TGM4: variants seen among roughly 807,000 people sequenced by gnomAD.
TGM4 encodes the protein transglutaminase 4, also known as protein-glutamine gamma-glutamyltransferase 4.
In TGM4, 61 loss-of-function variants were observed where a neutral mutation model predicts 76.3. The ratio of observed to expected loss-of-function variants is 0.80; its 90% CI spans 0.65 to 0.99. The LOEUF (loss-of-function observed/expected upper bound fraction) is 0.99, where lower values mean the gene tolerates loss of function less well. Ranked by LOEUF, TGM4 falls within the 50% of genes least tolerant of loss-of-function variation. TGM4 has a pLI of 0.00. For missense variants in TGM4, 794 were observed against 843.2 expected, an observed-to-expected ratio of 0.94 and a Z score of 0.72; for synonymous variants, 337 against 329.8, an observed-to-expected ratio of 1.02 and a Z score of -0.24.
At chr3:44,897,086 C>T (rs189597587) in intron 6 of TGM4, among the ~76,000 whole-genome samples, 1 of 151,310 alleles carries the variant, frequency 6.6e-6, no homozygotes, top group Non-Finnish European at 1.5e-5. Context: ...TCACTGCAAC[C>T]TCCACCCATC....
rs1700041085 is a variant in TGM4 at position 44,913,714 on chromosome 3, A to T, written c.2044A>T (p.Ile682Phe). 4.3e-6 allele frequency: 7 copies of T among 1,613,544 alleles called. No homozygotes were observed. The South Asian group carries it at 6.6e-5, about 15-fold the overall frequency. The change falls in exon 14 of 14, where the codon ATC (isoleucine) becomes TTC (phenylalanine). Residue 682 changes from isoleucine (I) to phenylalanine (F), a missense_variant. By Grantham distance (21) the Ile-to-Phe change is conservative. Transcript: ENST00000296125. ...GATTAATGCTCAGAAGATTGTTCTC[A>T]TCACCAAGTAGCCTTGTCTGATGCT... The part of the protein sequence containing the change: ...KEINAQKIVL[I>F]TK
At chr3:44,906,860 T>C in intron 9 of TGM4, 89 bp from the exon 10 acceptor site, 2 of 1,563,262 alleles carry the variant, frequency 1.3e-6, no homozygotes, top group Non-Finnish European at 1.7e-6. Flanking sequence ...CCAGTCCTGT[T>C]TGAGTTTGGG....
chr3:44,898,932 A>G (rs1014931997), intron 6 of TGM4, among the ~76,000 whole-genome samples: 2 of 151,996 alleles, frequency 1.3e-5, no homozygotes, highest in Non-Finnish European at 2.9e-5. Context: ...AGAACAAGTA[A>G]AGGAGACCAA....
At chr3:44,892,172 C>A (rs111513008) in intron 4 of TGM4, among the ~76,000 whole-genome samples, 1 of 150,882 alleles carries the variant, frequency 6.6e-6, no homozygotes, top group Non-Finnish European at 1.5e-5. Flanking sequence ...GCAGGAGAAT[C>A]GCTTGAACCT....
intron 9 of TGM4, among the ~76,000 whole-genome samples, chr3:44,906,466 AACAGCTTGCATTTGTTTTAGGC>A (rs59578686): frequency 0.56 from 84,767 of 152,038 alleles, 24,474 homozygotes; most frequent in East Asian, 0.89. Flanking sequence ...GATCCATAGC[AACAGCTTGCATTTGTTTTAGGC>A]ACAGGGCTAA....
In TGM4 at chr3:44,893,788, G is replaced by A. The variant is rs577656863; in HGVS notation, c.549+93G>A. On this transcript the variant is annotated intron_variant, in intron 5 of 13. Transcript: ENST00000296125. ...AGTCAGTAAAGGTTCTGGAGAAAGG[G>A]TTGTGAACCTCGGGTCAAACGCCAG... The A allele has an allele frequency of 6.5e-5, 78 of 1,191,454 alleles. 1 individual carries two copies. The African/African-American group carries it at 9.6e-4, about 15-fold the overall frequency. 73.8% of individuals were successfully genotyped at this position (1,191,454 alleles called of 1,614,324 possible).
chr3:44,897,258 AC>A (rs1233377424), intron 6 of TGM4, among the ~76,000 whole-genome samples: 1 of 150,282 alleles, frequency 6.7e-6, no homozygotes, highest in Non-Finnish European at 1.5e-5. Flanking sequence ...CCCGCCTCGG[AC>A]TCCCAAAGTG....
At chr3:44,896,187 C>G (rs968265082) in intron 5 of TGM4, among the ~76,000 whole-genome samples, 2 of 152,192 alleles carry the variant, frequency 1.3e-5, no homozygotes, top group African/African-American at 4.8e-5. Flanking sequence ...TCTTGGCTCA[C>G]TGCAACCTCC....
chr3:44,890,825 T>G, intron 4 of TGM4, 93 bp downstream of exon 4: 1 of 1,488,606 alleles, frequency 6.7e-7, no homozygotes, highest in African/African-American at 1.4e-5. Flanking sequence ...TTGTTTGCTC[T>G]CAAGGTACTT....
chr3:44,912,530 T>C (rs998687184), intron 13 of TGM4, among the ~76,000 whole-genome samples: 8 of 152,250 alleles, frequency 5.3e-5, no homozygotes, highest in African/African-American at 1.4e-4. Context: ...ATGATTATCA[T>C]ATCTACATAT....
At chr3:44,887,826 G>A in intron 3 of TGM4, 31 bp downstream of exon 3, 3 of 1,600,704 alleles carry the variant, frequency 1.9e-6, no homozygotes, top group Non-Finnish European at 2.6e-6. Context: ...CGGGTGGGCT[G>A]GCTGGCTTCT....
chr3:44,903,823 A>G, intron 8 of TGM4, 61 bp from the exon 9 acceptor site: 5 of 1,481,148 alleles, frequency 3.4e-6, no homozygotes, highest in Non-Finnish European at 4.7e-6. Flanking sequence ...ATTTTGGCGT[A>G]TTTATCTCTA....
At chr3:44,890,291 G>T (rs1037020665) in intron 3 of TGM4, 2 of 251,480 alleles carry the variant, frequency 8.0e-6, no homozygotes, top group Admixed American at 4.9e-5. Flanking sequence ...CCTGGAGATG[G>T]TATCACCTCC....
intron 1 of TGM4, among the ~76,000 whole-genome samples, chr3:44,881,525 G>T (rs1699532649): frequency 6.6e-6 from 1 of 152,174 alleles, no homozygotes; most frequent in African/African-American, 2.4e-5. Context: ...GAGTCCCAAG[G>T]TGGTGCTGGG....
At chr3:44,876,470 T>A (rs895855572) in intron 1 of TGM4, 1 of 152,250 alleles carries the variant, frequency 6.6e-6, no homozygotes, top group African/African-American at 2.4e-5. Flanking sequence ...GATGGTGATA[T>A]GTGTGGGATA....
chr3:44,880,860 C>T (rs1699522441), intron 1 of TGM4, among the ~76,000 whole-genome samples: 1 of 152,162 alleles, frequency 6.6e-6, no homozygotes, highest in Non-Finnish European at 1.5e-5. Context: ...TTAATACAAC[C>T]TAACCAGAAT....
chr3:44,879,375 C>T (rs961834715), intron 1 of TGM4, among the ~76,000 whole-genome samples: 8 of 150,996 alleles, frequency 5.3e-5, no homozygotes, highest in African/African-American at 1.9e-4. Flanking sequence ...GGCGTGATCT[C>T]GGCTCACTGC....
In TGM4 at chr3:44,913,590, G is replaced by A. The variant is rs925261721; in HGVS notation, c.1920G>A (p.Val640=). The A allele has an allele frequency of 3.7e-6, 6 of 1,613,296 alleles. No homozygotes were observed. In the African/African-American group the frequency reaches 4.0e-5, roughly 11 times the overall value. Residue 640 remains valine (V), a synonymous_variant, in exon 14 of 14, where the codon GTG becomes GTA. Coordinates refer to ENST00000296125, the MANE Select transcript of TGM4 (RefSeq NM_003241.4). ...ATGTCTTTGAATTTTCCAGGACGGTGCAGCCTGGTGAGACCATCCAATCCC... is the reference window on the plus strand; with the variant it reads ...ATGTCTTTGAATTTTCCAGGACGGTACAGCCTGGTGAGACCATCCAATCCC... The part of the protein sequence containing the change: ...SSLQTSDHGT[V]QPGETIQSQI...
chr3:44,885,480 A>G lies in TGM4; in HGVS notation c.175A>G (p.Lys59Glu), dbSNP rs1223192527. The G allele has an allele frequency of 6.2e-7, 1 of 1,611,396 alleles. No individual in the cohort carries two copies. Among genetic ancestry groups the G allele is most frequent in the Admixed American group, 1.7e-5 (1 of 59,960 alleles). The stretch of plus-strand genomic sequence containing the variant: ...GCCCCTACAATCCTACCACCAACTG[A>G]AACTGGAATTCAGCACAGGTGAAGC... ...NQPLQSYHQL[K>E]LEFSTGPNPS... Residue 59 changes from lysine to glutamate, a missense_variant, in exon 2 of 14, where the codon AAA becomes GAA. Physicochemically the swap from Lys to Glu is moderately conservative, Grantham distance 56. Coordinates refer to ENST00000296125, the MANE Select transcript of TGM4 (RefSeq NM_003241.4).
Sources: gnomAD v4.1 joint callset for allele counts (sites outside exome capture counted in the v4.1 genomes callset) on GRCh38, gnomAD v4.1.1 for gene constraint, MANE v1.5 for transcripts, NCBI Gene and HGNC (gene_info 2026-07-23, HGNC 2026-07-21) for gene names.